UNC13C: variants seen among roughly 807,000 people sequenced by gnomAD.
The protein encoded by UNC13C is unc-13 homolog C.
In UNC13C, 174 loss-of-function variants were observed where a neutral mutation model predicts 245.4. The ratio of observed to expected loss-of-function variants is 0.71; its 90% CI spans 0.63 to 0.80. The LOEUF (loss-of-function observed/expected upper bound fraction) is 0.80. Ranked by LOEUF, UNC13C falls within the 30% of genes least tolerant of loss-of-function variation. The probability of loss-of-function intolerance (pLI) is 0.00; values close to 1 mark genes in which losing one functional copy is unlikely to be tolerated. For synonymous variants in UNC13C, 992 were observed against 895.1 expected, an observed-to-expected ratio of 1.11 and a Z score of -1.93; for missense variants, 2,829 against 2,602.9, an observed-to-expected ratio of 1.09 and a Z score of -1.89.
chr15:54,245,125 C>T lies in UNC13C; in HGVS notation c.3229-5100C>T, dbSNP rs187605762. On this transcript the variant is annotated intron_variant, in intron 7 of 32. Coordinates refer to ENST00000260323, the MANE Select transcript of UNC13C (RefSeq NM_001080534.3). Reference sequence around the variant, plus strand: ...ACATTAAAATGGCTAAAGTTTCCCCCAGTGTAGAAATCCATAGTATTTTTA... The same window carrying T: ...ACATTAAAATGGCTAAAGTTTCCCCTAGTGTAGAAATCCATAGTATTTTTA... Among the ~76,000 whole-genome samples, 34 of 152,204 alleles carry T rather than the reference C, an allele frequency of 2.2e-4. 1 individual carries two copies. The highest frequency in any genetic ancestry group is 1.2e-3 in the Admixed American group (18 of 15,280).
At chr15:53,933,261 T>C in the UNC13C span, among the ~76,000 whole-genome samples, 1 of 152,186 alleles carries the variant, frequency 6.6e-6, no homozygotes, top group African/African-American at 2.4e-5. Context: ...CTTATTACTT[T>C]GTGGCCCTGC....
At chr15:54,179,289 C>A (rs1011456692) in intron 4 of UNC13C, among the ~76,000 whole-genome samples, 5 of 151,938 alleles carry the variant, frequency 3.3e-5, no homozygotes, top group African/African-American at 1.2e-4. Context: ...GGCTGATAAT[C>A]AAAAGAAACA....
At chr15:54,091,871 T>C (rs1339318441) in intron 2 of UNC13C, among the ~76,000 whole-genome samples, 1 of 152,232 alleles carries the variant, frequency 6.6e-6, no homozygotes, top group Non-Finnish European at 1.5e-5. Flanking sequence ...GATTTATTCC[T>C]TAAGTCTTAG....
At chr15:54,065,847 G>A (rs1020610700) in intron 2 of UNC13C, among the ~76,000 whole-genome samples, 4 of 152,172 alleles carry the variant, frequency 2.6e-5, no homozygotes, top group Admixed American at 1.3e-4. Flanking sequence ...TGCTATCCTC[G>A]TTGCTGAATG....
rs2038141634 is a variant in UNC13C, at chr15:54,321,020, A to T, written c.4269-919A>T. ...TGCCACCAAAGCCACACAGTCACTA[A>T]CGTTTCCTCCATGACCAAAGTTGTT... On this transcript the variant is annotated intron_variant, in intron 13 of 32. Coordinates refer to ENST00000260323, the MANE Select transcript of UNC13C (RefSeq NM_001080534.3). The T allele has an allele frequency of 8.9e-6, 4 of 449,548 alleles. No homozygotes were observed. In the Admixed American group the frequency reaches 1.0e-4, roughly 11 times the overall value. 27.8% of individuals were successfully genotyped at this position (449,548 alleles called of 1,614,324 possible).
chr15:54,255,372 A>G (rs1273007122), intron 8 of UNC13C, among the ~76,000 whole-genome samples: 2 of 152,148 alleles, frequency 1.3e-5, no homozygotes, highest in Non-Finnish European at 2.9e-5. Flanking sequence ...CCCTGGAGTC[A>G]GGCCGCTTGG....
chr15:54,607,042 A>G (rs1410348484), intron 30 of UNC13C, among the ~76,000 whole-genome samples: 1 of 152,174 alleles, frequency 6.6e-6, no homozygotes, highest in Non-Finnish European at 1.5e-5. Flanking sequence ...TGGGAAAAAA[A>G]ATTGGCATTT....
rs190421305 is a variant in UNC13C at position 54,317,162 on chromosome 15, A to G, written c.4269-4777A>G. Among the ~76,000 whole-genome samples the G allele has an allele frequency of 3.8e-4, 58 of 152,098 alleles. 1 individual carries two copies. The highest frequency in any genetic ancestry group is 1.3e-3 in the African/African-American group (56 of 41,552). On this transcript the variant is annotated intron_variant, in intron 13 of 32. Coordinates refer to ENST00000260323, the MANE Select transcript of UNC13C (RefSeq NM_001080534.3). ...AATGTATTATAATTACTATTTGACT[A>G]TACATTGAAGTTATTTTTAAAAGAG...
chr15:54,563,855 CAGAGTCAAATTTG>C (rs1897394751), intron 29 of UNC13C, among the ~76,000 whole-genome samples: 1 of 151,952 alleles, frequency 6.6e-6, no homozygotes, highest in Admixed American at 6.6e-5. Flanking sequence ...GTCATGGGCA[CAGAGTCAAATTTG>C]AATGTAAAAT....
At chr15:53,990,289 T>A (rs1047675493) in intron 1 of UNC13C, among the ~76,000 whole-genome samples, 14 of 151,996 alleles carry the variant, frequency 9.2e-5, no homozygotes, top group African/African-American at 3.4e-4. Flanking sequence ...ATCAATGGGA[T>A]CATCGATGAA....
chr15:54,631,039 G>C (rs897251016), downstream of UNC13C: 1 of 152,042 alleles, frequency 6.6e-6, no homozygotes, highest in South Asian at 2.1e-4. Context: ...GTAATGCTTA[G>C]TTGTCTATTT....
In UNC13C at chr15:54,232,437, A is replaced by G. The variant is rs566684361; in HGVS notation, c.3072-2593A>G. The stretch of plus-strand genomic sequence containing the variant: ...GAGATAAGCATAGGAGTGAAGTGTC[A>G]GGCCCAATAATGCACATGCTTATAA... On this transcript the variant is annotated intron_variant, in intron 4 of 32. Transcript: ENST00000260323. Among the ~76,000 whole-genome samples, 15 of 152,272 alleles carry G rather than the reference A, an allele frequency of 9.9e-5. No homozygotes were observed. The East Asian group carries it at 2.9e-3, about 29-fold the overall frequency.
chr15:54,390,781 C>A (rs965500221), intron 17 of UNC13C, among the ~76,000 whole-genome samples: 1 of 151,904 alleles, frequency 6.6e-6, no homozygotes, highest in Admixed American at 6.6e-5. Context: ...TAAAAAGTTT[C>A]ACATAGAGAA....
In UNC13C at chr15:54,429,655, C is replaced by T. The variant is rs61684533; in HGVS notation, c.4933+14588C>T. Among the ~76,000 whole-genome samples the T allele has an allele frequency of 7.8e-3, 1,178 of 151,270 alleles. 17 individuals are homozygous for T. The highest frequency in any genetic ancestry group is 0.027 in the African/African-American group (1,134 of 41,350). ...CTTGTAATTTTAATCAGATTTTTTC[C>T]TAATTGAATTCTACACAAGGTACAT... On this transcript the variant is annotated intron_variant, in intron 19 of 32. Transcript: ENST00000260323.
intron 30 of UNC13C, among the ~76,000 whole-genome samples, chr15:54,599,755 G>T (rs1193911555): frequency 6.6e-6 from 1 of 152,038 alleles, no homozygotes; most frequent in Non-Finnish European, 1.5e-5. Context: ...TTTTCTCTGG[G>T]TCTGTGTGAA....
chr15:54,187,647 C>G (rs764402171), intron 4 of UNC13C, among the ~76,000 whole-genome samples: 6 of 152,096 alleles, frequency 3.9e-5, no homozygotes, highest in Non-Finnish European at 7.3e-5. Flanking sequence ...CTTTCCTGAC[C>G]TCGGTGACAA....
intron 4 of UNC13C, among the ~76,000 whole-genome samples, chr15:54,185,286 C>T (rs961938634): frequency 2.0e-5 from 3 of 151,982 alleles, no homozygotes; most frequent in East Asian, 3.9e-4. Flanking sequence ...TAGATCCCAT[C>T]TGTCAACTTT....
chr15:54,001,397 A>G (rs1021475162), intron 1 of UNC13C, among the ~76,000 whole-genome samples: 3 of 152,220 alleles, frequency 2.0e-5, no homozygotes, highest in African/African-American at 4.8e-5. Context: ...TTTTAACTGC[A>G]TGTAACACTA....
chr15:54,016,898 G>A (rs531008057), intron 2 of UNC13C, among the ~76,000 whole-genome samples: 4 of 152,286 alleles, frequency 2.6e-5, no homozygotes, highest in South Asian at 2.1e-4. Context: ...TCATAAAGGT[G>A]TATATGACCA....
Sources: gnomAD v4.1 joint callset for allele counts (sites outside exome capture counted in the v4.1 genomes callset) on GRCh38, gnomAD v4.1.1 for gene constraint, MANE v1.5 for transcripts, NCBI Gene and HGNC (gene_info 2026-07-23, HGNC 2026-07-21) for gene names.